Variants in ATP11B observed in about 807,000 individuals in gnomAD.
ATP11B encodes ATPase phospholipid transporting 11B (putative).
Under a neutral mutation model 157.8 loss-of-function variants are expected in ATP11B, and 81 were observed. The ratio of observed to expected loss-of-function variants is 0.51; its 90% CI spans 0.43 to 0.62. The LOEUF (loss-of-function observed/expected upper bound fraction) is 0.62. ATP11B is among the 20% of genes least tolerant of loss of function. The pLI, the probability that ATP11B is intolerant of heterozygous loss-of-function variation, is 0.00. For synonymous variants in ATP11B, 451 were observed against 469.4 expected, an observed-to-expected ratio of 0.96 and a Z score of 0.51; for missense variants, 1,165 against 1,402.2, an observed-to-expected ratio of 0.83 and a Z score of 2.70.
chr3:182,858,909 C>G (rs9815165), intron 11 of ATP11B, among the ~76,000 whole-genome samples: 8,393 of 152,008 alleles, frequency 0.055, 787 homozygotes, highest in African/African-American at 0.19. Context: ...CTGAAAGTAA[C>G]GAATTAAGTT....
At chr3:182,904,808 G>C (rs562857774) in intron 28 of ATP11B, among the ~76,000 whole-genome samples, 8 of 148,282 alleles carry the variant, frequency 5.4e-5, no homozygotes, top group African/African-American at 2.0e-4. Context: ...AGAATCGCTT[G>C]AAGCCAGGAG....
rs147678050 is a variant in ATP11B, at chr3:182,879,580, A to G, written c.2337A>G (p.Leu779=). ...LSLALREHEK[L]FMEVCRNCSA... is the part of the protein sequence containing the mutation. ...TTGCACTCAGGGAGCATGAAAAACTATTTATGGAAGTTTGCAGAAATTGTT... is the reference window on the plus strand; with the variant it reads ...TTGCACTCAGGGAGCATGAAAAACTGTTTATGGAAGTTTGCAGAAATTGTT... The change falls in exon 20 of 30, where the codon CTA becomes CTG. Residue 779 remains leucine, a synonymous_variant. Transcript: ENST00000323116. 9 of 1,614,112 alleles carry G rather than the reference A, an allele frequency of 5.6e-6. No homozygotes were observed. Among genetic ancestry groups the G allele is most frequent in the Admixed American group, 5.0e-5 (3 of 60,022 alleles).
intron 8 of ATP11B, among the ~76,000 whole-genome samples, chr3:182,845,157 G>A (rs887368009): frequency 1.3e-5 from 2 of 151,786 alleles, no homozygotes; most frequent in Non-Finnish European, 2.9e-5. Context: ...GGCGCATGCC[G>A]CCACGCCTGG....
Position 182,870,860 on chromosome 3 carries a change from G to A in ATP11B, c.1867-1496G>A, listed in dbSNP as rs139191981. On this transcript the variant is annotated intron_variant, in intron 17 of 29. Transcript: ENST00000323116. ...GGAGAATCACTTGAACATAGGAGGC[G>A]GAGCTTGCAGTGAGCCAAGATCGCA... Among the ~76,000 whole-genome samples, 867 of 151,162 alleles carry A rather than the reference G, an allele frequency of 5.7e-3. 10 individuals are homozygous for A. Among genetic ancestry groups the A allele is most frequent in the African/African-American group, 0.017 (714 of 41,052 alleles).
chr3:182,830,213 C>G (rs960839433), intron 4 of ATP11B, among the ~76,000 whole-genome samples: 9 of 151,690 alleles, frequency 5.9e-5, no homozygotes, highest in Non-Finnish European at 1.3e-4. Context: ...GTCCCAGCTA[C>G]TTGGTGGGCT....
intron 13 of ATP11B, 83 bp from the exon 14 acceptor site, chr3:182,866,185 A>G (rs1721217451): frequency 1.9e-6 from 2 of 1,052,934 alleles, no homozygotes; most frequent in African/African-American, 1.6e-5. Context: ...CTCTTGTTCT[A>G]GATCTTAGAA....
chr3:182,833,558 G>A (rs890834266), intron 4 of ATP11B: 1 of 151,850 alleles, frequency 6.6e-6, no homozygotes, highest in African/African-American at 2.4e-5. Context: ...CCAACTCCTG[G>A]GCTCAAGCGA....
At chr3:182,800,874 A>AC (rs900414975) in intron 1 of ATP11B, among the ~76,000 whole-genome samples, 22 of 44,296 alleles carry the variant, frequency 5.0e-4, no homozygotes, top group South Asian at 1.4e-3. Flanking sequence ...TCCGCCCCCC[A>AC]CCCCCCCCAG....
intron 10 of ATP11B, among the ~76,000 whole-genome samples, chr3:182,849,319 T>A (rs1385000722): frequency 1.3e-5 from 2 of 152,132 alleles, no homozygotes; most frequent in African/African-American, 4.8e-5. Flanking sequence ...AAAATAGCAC[T>A]CTTCTGAGGA....
intron 1 of ATP11B, among the ~76,000 whole-genome samples, chr3:182,799,629 A>G (rs1221121228): frequency 6.6e-6 from 1 of 152,198 alleles, no homozygotes; most frequent in Non-Finnish European, 1.5e-5. Flanking sequence ...AGTTTTTACT[A>G]GAAATGTGCA....
intron 6 of ATP11B, chr3:182,836,683 CAGA>C: frequency 2.0e-6 from 1 of 507,942 alleles, no homozygotes; most frequent in Non-Finnish European, 3.3e-6. Context: ...AAGTTAAAAA[CAGA>C]AGGTGTTTTT....
In ATP11B at chr3:182,836,490, A is replaced by C; in HGVS notation, c.552+20A>C. On this transcript the variant is annotated intron_variant, in intron 6 of 29. Transcript: ENST00000323116. Reference sequence around the variant, plus strand: ...CTGAAGGTTTGCTTGCATATGTTTGAGTATTGCTCTTGGTGAACAAAGTGT... The same window carrying C: ...CTGAAGGTTTGCTTGCATATGTTTGCGTATTGCTCTTGGTGAACAAAGTGT... The C allele has an allele frequency of 6.2e-7, 1 of 1,613,646 alleles. No individual in the cohort carries two copies. The highest frequency in any genetic ancestry group is 8.5e-7 in the Non-Finnish European group (1 of 1,179,750).
chr3:182,920,085 G>A lies in ATP11B; in HGVS notation c.*1981G>A, dbSNP rs1725371967. The stretch of plus-strand genomic sequence containing the variant: ...GCCTGCATTACATTTACATGACCGT[G>A]TTTATTTGCCATCAAATAAACTGAG... On this transcript the variant is annotated 3_prime_UTR_variant, in exon 30 of 30. Coordinates refer to ENST00000323116, the MANE Select transcript of ATP11B (RefSeq NM_014616.3). 1 of 152,122 alleles carries A rather than the reference G, an allele frequency of 6.6e-6. No individual in the cohort carries two copies. The highest frequency in any genetic ancestry group is 2.1e-4 in the South Asian group (1 of 4,828). 9.4% of individuals were successfully genotyped at this position (152,122 alleles called of 1,614,324 possible).
intron 29 of ATP11B, chr3:182,916,142 A>G (rs1223953331): frequency 4.8e-5 from 47 of 985,202 alleles, no homozygotes; most frequent in Non-Finnish European, 5.7e-5. Context: ...TAAACTTGCA[A>G]AGTCATTTTG....
chr3:182,903,557 C>G (rs906484993), intron 28 of ATP11B, among the ~76,000 whole-genome samples: 1 of 152,118 alleles, frequency 6.6e-6, no homozygotes, highest in African/African-American at 2.4e-5. Flanking sequence ...TTAGCTTCAA[C>G]TTTAAAAAAT....
At chr3:182,876,950 A>G (rs1722084632) in intron 19 of ATP11B, among the ~76,000 whole-genome samples, 1 of 152,256 alleles carries the variant, frequency 6.6e-6, no homozygotes, top group Non-Finnish European at 1.5e-5. Context: ...AGGCCCATTC[A>G]TTCACAGACT....
intron 10 of ATP11B, among the ~76,000 whole-genome samples, chr3:182,850,242 G>T (rs933512750): frequency 2.0e-5 from 3 of 152,198 alleles, no homozygotes; most frequent in African/African-American, 7.2e-5. Flanking sequence ...GGAGACCAAG[G>T]CAGGAGGATC....
intron 28 of ATP11B, among the ~76,000 whole-genome samples, chr3:182,903,914 G>A (rs902299576): frequency 6.6e-6 from 1 of 152,134 alleles, no homozygotes; most frequent in Admixed American, 6.5e-5. Context: ...ATATCATACT[G>A]GCTTAAACCA....
chr3:182,910,074 A>G (rs112886019), intron 28 of ATP11B, among the ~76,000 whole-genome samples: 1,111 of 67,132 alleles, frequency 0.017, 14 homozygotes, highest in African/African-American at 0.049. Context: ...CGGCCTCCAG[A>G]AAAAAAAAAA....
Sources: gnomAD v4.1 joint callset for allele counts (sites outside exome capture counted in the v4.1 genomes callset) on GRCh38, gnomAD v4.1.1 for gene constraint, MANE v1.5 for transcripts, NCBI Gene and HGNC (gene_info 2026-07-23, HGNC 2026-07-21) for gene names.